The following CREM variants were observed in gnomAD, a reference collection of about 807,000 sequenced individuals.
CREM encodes cAMP responsive element modulator.
CREM carries 13 observed loss-of-function variants against 37.3 expected under a neutral mutation model. The ratio of observed to expected loss-of-function variants is 0.35; its 90% confidence interval spans 0.23 to 0.55. The LOEUF is 0.55. CREM is among the 20% of genes least tolerant of loss of function. The pLI is 0.88. For synonymous variants in CREM, 124 were observed against 120.2 expected (o/e 1.03, Z -0.21); for missense variants, 296 against 362.3 (o/e 0.82, Z 1.49).
chr10:35,187,131 AATATATT>A (rs1564921735), intron 5 of CREM, among the ~76,000 whole-genome samples: 12 of 83,728 alleles, frequency 1.4e-4, no homozygotes, highest in African/African-American at 6.4e-4. Flanking sequence ...TAAATATATT[AATATATT>A]AATATATAAT....
intron 7 of CREM, chr10:35,209,245 A>T: frequency 1.1e-6 from 1 of 879,288 alleles, no homozygotes; most frequent in Non-Finnish European, 1.4e-6. Flanking sequence ...TTTGATTGGC[A>T]TCTATAATCG....
chr10:35,131,177 G>A (rs2089306559), intron 1 of CREM, among the ~76,000 whole-genome samples: 1 of 152,136 alleles, frequency 6.6e-6, no homozygotes, highest in African/African-American at 2.4e-5. Flanking sequence ...ACATCTTTGT[G>A]CATGTTTTCT....
intron 6 of CREM, among the ~76,000 whole-genome samples, chr10:35,202,099 C>T (rs2095401377): frequency 6.6e-6 from 1 of 152,160 alleles, no homozygotes; most frequent in African/African-American, 2.4e-5. Context: ...TATAATCTTT[C>T]TTCAATCATG....
At chr10:35,167,493 T>C (rs984773399) in intron 3 of CREM, 6 of 503,692 alleles carry the variant, frequency 1.2e-5, no homozygotes, top group African/African-American at 7.7e-5. Context: ...CTTTGTGACA[T>C]GTGCAGCTAT....
chr10:35,156,953 A>G (rs1212154849), intron 3 of CREM, among the ~76,000 whole-genome samples: 4 of 152,216 alleles, frequency 2.6e-5, no homozygotes, highest in Admixed American at 2.6e-4. Flanking sequence ...AACAAAAACT[A>G]CAGGTCAATA....
intron 3 of CREM, among the ~76,000 whole-genome samples, chr10:35,159,614 AACT>A (rs1315651782): frequency 6.6e-6 from 1 of 152,232 alleles, no homozygotes; most frequent in Non-Finnish European, 1.5e-5. Context: ...AAAACTATGA[AACT>A]ACTACAAGGA....
At chr10:35,164,520 T>C (rs559716192) in intron 3 of CREM, among the ~76,000 whole-genome samples, 2 of 152,358 alleles carry the variant, frequency 1.3e-5, no homozygotes, top group African/African-American at 2.4e-5. Context: ...TTAGGTACTT[T>C]AGATTTCTCC....
Position 35,203,384 on chromosome 10 carries a change from C to G in CREM, c.599-3511C>G, listed in dbSNP as rs114273147. Among the ~76,000 whole-genome samples the G allele has an allele frequency of 1.2e-3, 176 of 152,248 alleles. 1 individual carries two copies. Among genetic ancestry groups the G allele is most frequent in the African/African-American group, 4.0e-3 (165 of 41,558 alleles). ...TTCACCTGTGACTATTCCCACCCAC[C>G]CTTTTTTTAAAAAAACAAGTTTTTT... On this transcript the variant is annotated intron_variant, in intron 6 of 7. Coordinates refer to ENST00000685392, the MANE Select transcript of CREM (RefSeq NM_183011.2).
In CREM at chr10:35,209,454, A is replaced by G. The variant is rs1046419258; in HGVS notation, c.756-1800A>G. 3.2e-5 allele frequency: 24 copies of G among 753,104 alleles called. No homozygotes were observed. In the African/African-American group the frequency reaches 3.2e-4, roughly 10 times the overall value. The allele number at this position is 753,104 out of a possible 1,614,324, so 46.7% of individuals were successfully genotyped here. On this transcript the variant is annotated intron_variant, in intron 7 of 7. Transcript: ENST00000685392. ...GCTGAGGAGTGCTTAGGAATGTACC[A>G]TCTACTGATGTGATCGGGGAAAGCT...
chr10:35,127,581 A>C (rs1288604000), intron 1 of CREM: 1 of 152,488 alleles, frequency 6.6e-6, no homozygotes, highest in Non-Finnish European at 1.5e-5. Flanking sequence ...AGGACCTCGG[A>C]TTTGAGTGCC....
intron 2 of CREM, among the ~76,000 whole-genome samples, chr10:35,141,033 G>A (rs543378094): frequency 1.3e-5 from 2 of 152,302 alleles, no homozygotes; most frequent in East Asian, 1.9e-4. Flanking sequence ...TGAAAACCTG[G>A]CTATGCCACT....
chr10:35,165,070 A>AAAAG (rs2093478078), intron 3 of CREM, among the ~76,000 whole-genome samples: 1 of 150,478 alleles, frequency 6.6e-6, no homozygotes, highest in Non-Finnish European at 1.5e-5. Context: ...AAAAAAAAAA[A>AAAAG]AAAAAAAAGA....
intron 5 of CREM, among the ~76,000 whole-genome samples, chr10:35,180,247 T>A (rs1429202855): frequency 6.6e-6 from 1 of 152,216 alleles, no homozygotes; most frequent in African/African-American, 2.4e-5. Flanking sequence ...TACTGGAATA[T>A]ATGTGATATT....
intron 3 of CREM, among the ~76,000 whole-genome samples, chr10:35,170,782 C>T (rs938674330): frequency 5.9e-5 from 9 of 151,984 alleles, no homozygotes; most frequent in Non-Finnish European, 8.8e-5. Context: ...CTATTTGATT[C>T]TTCTCTCTTT....
In CREM at chr10:35,168,177, T is replaced by C. The variant is rs576973932; in HGVS notation, c.169-10712T>C. ...CTAGATCCTTGAGGAATCGCCACAC[T>C]GTCTTCCACAATGGTTGAACTAGTT... On this transcript the variant is annotated intron_variant, in intron 3 of 7. Transcript: ENST00000685392. Among the ~76,000 whole-genome samples the C allele has an allele frequency of 2.0e-5, 3 of 152,350 alleles. No individual in the cohort carries two copies. In the South Asian group the frequency reaches 6.2e-4, roughly 32 times the overall value.
In CREM at chr10:35,185,106, C is replaced by CT. The variant is rs34532646; in HGVS notation, c.410-3078dup. Among the ~76,000 whole-genome samples the CT allele has an allele frequency of 8.4e-3, 1,137 of 135,380 alleles. 18 individuals are homozygous for CT. Among genetic ancestry groups the CT allele is most frequent in the African/African-American group, 0.025 (923 of 37,120 alleles). 88.8% of individuals were successfully genotyped at this position (135,380 alleles called of 152,430 possible). Reference sequence around the variant, plus strand: ...CTGCTCTGTTCTAGGCTTTGTACTTCTTTTTTTTTTTTTTTTGAGACGGAG... The same window carrying CT: ...CTGCTCTGTTCTAGGCTTTGTACTTCTTTTTTTTTTTTTTTTTGAGACGGAG... On this transcript the variant is annotated intron_variant, in intron 5 of 7. Transcript: ENST00000685392.
intron 1 of CREM, among the ~76,000 whole-genome samples, chr10:35,135,768 CAAAG>C (rs975304872): frequency 1.1e-4 from 12 of 108,742 alleles, no homozygotes; most frequent in Admixed American, 1.8e-4. Context: ...AAAAATGAGA[CAAAG>C]AAGATAGAAC....
rs186166158 is a variant in CREM, at chr10:35,151,388, C to G, written c.168+2897C>G. Among the ~76,000 whole-genome samples, 16 of 152,172 alleles carry G rather than the reference C, an allele frequency of 1.1e-4. No individual in the cohort carries two copies. The East Asian group carries it at 3.1e-3, about 29-fold the overall frequency. ...TCGTTTTGTTTTTTTGAGACAGAGT[C>G]TCACTATGTCACCCAAGCTGGAATG... On this transcript the variant is annotated intron_variant, in intron 3 of 7. Transcript: ENST00000685392.
intron 3 of CREM, among the ~76,000 whole-genome samples, chr10:35,169,083 T>C (rs1051185801): frequency 6.6e-6 from 1 of 152,230 alleles, no homozygotes; most frequent in African/African-American, 2.4e-5. Flanking sequence ...CAATGTGGGC[T>C]CTTTTTGGGT....
Sources: allele counts gnomAD v4.1 joint callset (sites outside exome capture counted in the v4.1 genomes callset), GRCh38; gene constraint gnomAD v4.1.1; transcripts MANE v1.5; gene names NCBI Gene and HGNC (gene_info 2026-07-23, HGNC 2026-07-21).